AGBL4: variants seen among roughly 807,000 people sequenced by gnomAD.
AGBL4 encodes cytosolic carboxypeptidase 6.
A neutral mutation model predicts 66.4 loss-of-function variants in AGBL4; 58 were observed. The ratio of observed to expected loss-of-function variants is 0.87; its 90% CI spans 0.71 to 1.09. The LOEUF is 1.09. Ranked by LOEUF, AGBL4 falls within the 50% of genes least tolerant of loss-of-function variation. AGBL4 has a pLI of 0.00. For synonymous variants in AGBL4, 234 were observed against 222.9 expected (o/e 1.05, Z -0.44); for missense variants, 579 against 631.0 (o/e 0.92, Z 0.88).
chr1:48,751,025 T>C (rs1016985600), intron 6 of AGBL4, among the ~76,000 whole-genome samples: 8 of 152,212 alleles, frequency 5.3e-5, no homozygotes, highest in Non-Finnish European at 1.0e-4. Flanking sequence ...CACTGCTTCA[T>C]GATATAGCAT....
chr1:48,874,107 C>CAT (rs1648975538), intron 5 of AGBL4, among the ~76,000 whole-genome samples: 2 of 152,180 alleles, frequency 1.3e-5, no homozygotes, highest in South Asian at 4.1e-4. Flanking sequence ...AATCCCCAGG[C>CAT]ATTCTCCTGT....
At chr1:49,635,957 C>A (rs937624930) in intron 3 of AGBL4, among the ~76,000 whole-genome samples, 7 of 152,088 alleles carry the variant, frequency 4.6e-5, no homozygotes, top group Non-Finnish European at 8.8e-5. Flanking sequence ...AAATTAGATA[C>A]CTCCAAAATG....
chr1:49,342,426 G>A (rs965108088), intron 3 of AGBL4, among the ~76,000 whole-genome samples: 5 of 152,090 alleles, frequency 3.3e-5, no homozygotes, highest in African/African-American at 1.2e-4. Context: ...TTTGCTGCAG[G>A]TTCCTGAAAC....
chr1:49,612,409 T>C (rs1571171725), intron 3 of AGBL4, among the ~76,000 whole-genome samples: 1 of 152,174 alleles, frequency 6.6e-6, no homozygotes, highest in Non-Finnish European at 1.5e-5. Flanking sequence ...TATCACACAG[T>C]AGGCGTCAAC....
At chr1:48,666,772 T>C (rs1356547411) in intron 6 of AGBL4, among the ~76,000 whole-genome samples, 2 of 152,254 alleles carry the variant, frequency 1.3e-5, no homozygotes, top group Non-Finnish European at 2.9e-5. Flanking sequence ...CTAACCTCTA[T>C]ATTATACTGT....
At chr1:49,969,974 G>T (rs1376261146) in intron 1 of AGBL4, among the ~76,000 whole-genome samples, 2 of 152,120 alleles carry the variant, frequency 1.3e-5, no homozygotes, top group Admixed American at 1.3e-4. Context: ...TCTTTGACAA[G>T]CGTACCAAGA....
rs942613663 is a variant in AGBL4 at position 49,452,190 on chromosome 1, A to T, written c.283-206326T>A. Reference sequence around the variant, plus strand: ...CTCTTCAGCCCAAATCTGTTTTATTATGCTTCTGGCTCAAGGCAGAGTCCA... The same window carrying T: ...CTCTTCAGCCCAAATCTGTTTTATTTTGCTTCTGGCTCAAGGCAGAGTCCA... On this transcript the variant is annotated intron_variant, in intron 3 of 13. Coordinates refer to ENST00000371839, the MANE Select transcript of AGBL4 (RefSeq NM_032785.4). Among the ~76,000 whole-genome samples, 3 of 151,830 alleles carry T rather than the reference A, an allele frequency of 2.0e-5. 1 individual carries two copies. Among genetic ancestry groups the T allele is most frequent in the Non-Finnish European group, 4.4e-5 (3 of 67,916 alleles).
intron 8 of AGBL4, among the ~76,000 whole-genome samples, chr1:48,637,926 C>T (rs1260330610): frequency 6.6e-6 from 1 of 152,154 alleles, no homozygotes; most frequent in Non-Finnish European, 1.5e-5. Flanking sequence ...GTGCTGTGCT[C>T]ACAAAGCTTT....
At chr1:49,188,564 A>C (rs1647057381) in intron 4 of AGBL4, among the ~76,000 whole-genome samples, 1 of 152,170 alleles carries the variant, frequency 6.6e-6, no homozygotes, top group Non-Finnish European at 1.5e-5. Flanking sequence ...AATAATCTCT[A>C]TCCCCCTAGT....
At chr1:48,799,505 G>C (rs892303474) in intron 6 of AGBL4, among the ~76,000 whole-genome samples, 19 of 152,176 alleles carry the variant, frequency 1.2e-4, no homozygotes, top group African/African-American at 4.3e-4. Context: ...TTTTCTGATT[G>C]CTCTGGCTGG....
At chr1:48,697,695 T>C (rs184237136) in intron 6 of AGBL4, among the ~76,000 whole-genome samples, 11 of 152,328 alleles carry the variant, frequency 7.2e-5, no homozygotes, top group South Asian at 6.2e-4. Context: ...AATCACACTA[T>C]GTAACCATTC....
chr1:49,948,179 AC>A (rs1655590445), intron 1 of AGBL4, among the ~76,000 whole-genome samples: 1 of 100,832 alleles, frequency 9.9e-6, no homozygotes, highest in Non-Finnish European at 1.7e-5. Context: ...AATATATATA[AC>A]TATATATAAA....
At chr1:49,566,944 C>T (rs571016624) in intron 3 of AGBL4, among the ~76,000 whole-genome samples, 1 of 152,202 alleles carries the variant, frequency 6.6e-6, no homozygotes, top group African/African-American at 2.4e-5. Context: ...GTGGGCTCCA[C>T]CCAGTTTGAG....
intron 9 of AGBL4, among the ~76,000 whole-genome samples, chr1:48,607,621 C>A (rs533033886): frequency 6.6e-6 from 1 of 152,132 alleles, no homozygotes; most frequent in African/African-American, 2.4e-5. Context: ...TCCATCCCCC[C>A]ACCCCCAGAA....
intron 3 of AGBL4, among the ~76,000 whole-genome samples, chr1:49,510,022 GC>G (rs1649063831): frequency 1.3e-5 from 2 of 151,896 alleles, no homozygotes; most frequent in South Asian, 4.1e-4. Flanking sequence ...GTCAGTGAAG[GC>G]AAGGCTTGCT....
At chr1:49,961,682 T>A (rs957244519) in intron 1 of AGBL4, among the ~76,000 whole-genome samples, 1 of 152,086 alleles carries the variant, frequency 6.6e-6, no homozygotes, top group Admixed American at 6.6e-5. Context: ...AGCATGCCAA[T>A]ATGCATTTTA....
intron 6 of AGBL4, among the ~76,000 whole-genome samples, chr1:48,703,618 T>C (rs1646837137): frequency 6.6e-6 from 1 of 152,114 alleles, no homozygotes; most frequent in African/African-American, 2.4e-5. Flanking sequence ...CCAGGCAATG[T>C]TAATAATAAT....
rs1385196539 is a variant in AGBL4 at position 49,697,341 on chromosome 1, AAGT to A, written c.251_253del (p.Asn84_Phe85delinsIle). On this transcript the variant is annotated inframe_deletion, in exon 3 of 14. Transcript: ENST00000371839. The stretch of plus-strand genomic sequence containing the variant: ...TGATTCTTTCACATTTTCAACAGTA[AAGT>A]TGAACCAGACTCGGAAGCGTGGATT... 3 of 1,547,108 alleles carry A rather than the reference AAGT, an allele frequency of 1.9e-6. No individual in the cohort carries two copies. In the Admixed American group the frequency reaches 5.9e-5, roughly 30 times the overall value.
chr1:49,206,026 A>G (rs1387314590), intron 4 of AGBL4, among the ~76,000 whole-genome samples: 2 of 152,178 alleles, frequency 1.3e-5, no homozygotes, highest in African/African-American at 4.8e-5. Context: ...GCATTAGCCA[A>G]GGGGAATAAG....
Sources: allele counts gnomAD v4.1 joint callset (sites outside exome capture counted in the v4.1 genomes callset), GRCh38; gene constraint gnomAD v4.1.1; transcripts MANE v1.5; gene names NCBI Gene and HGNC (gene_info 2026-07-23, HGNC 2026-07-21).